ABCA9: variants seen among roughly 807,000 people sequenced by gnomAD.
ABCA9 encodes ATP binding cassette subfamily A member 9.
Under a neutral mutation model 205.3 loss-of-function variants are expected in ABCA9, and 183 were observed. The observed-to-expected ratio is 0.89, with a 90% confidence interval of 0.79 to 1.01. ABCA9 has a LOEUF of 1.01. ABCA9 is among the 50% of genes least tolerant of loss of function. The pLI, the probability that ABCA9 is intolerant of heterozygous loss-of-function variation, is 0.00. For synonymous variants in ABCA9, 651 were observed against 683.3 expected (o/e 0.95, Z 0.74); for missense variants, 1,805 against 1,912.4 (o/e 0.94, Z 1.05).
Position 69,000,067 on chromosome 17 carries a change from G to T in ABCA9, c.3436-4053C>A, listed in dbSNP as rs1442906790. Among the ~76,000 whole-genome samples, 67 of 151,340 alleles carry T rather than the reference G, an allele frequency of 4.4e-4. No individual in the cohort carries two copies. The East Asian group carries it at 9.0e-3, about 20-fold the overall frequency. On this transcript the variant is annotated intron_variant, in intron 25 of 38. Coordinates refer to ENST00000340001, the MANE Select transcript of ABCA9 (RefSeq NM_080283.4). ...GTAGGTTGCGAAAATTTTCTCCCATGTTGTAGGTTGCCTGTTCACTCTGAT... is the reference window on the plus strand; with the variant it reads ...GTAGGTTGCGAAAATTTTCTCCCATTTTGTAGGTTGCCTGTTCACTCTGAT...
rs756524839 is a variant in ABCA9 at position 68,984,947 on chromosome 17, C to T, written c.4317G>A (p.Pro1439=). The T allele has an allele frequency of 1.1e-5, 17 of 1,614,086 alleles. No individual in the cohort carries two copies. The highest frequency in any genetic ancestry group is 5.5e-5 in the South Asian group (5 of 91,086). ...ACGGCTCATCCAGAAGCACCACTGA[C>T]GGGTTCCCCAGGATGCTCAGCACAA... is the stretch of plus-strand genomic sequence containing the variant. ...LCFVLSILGN[P]SVVLLDEPST... The change falls in exon 34 of 39, where the codon CCG becomes CCA. Residue 1439 remains proline, a synonymous_variant. Coordinates refer to ENST00000340001, the MANE Select transcript of ABCA9 (RefSeq NM_080283.4).
At chr17:68,992,028 A>C in intron 28 of ABCA9, 147 bp downstream of exon 28, 5 of 506,810 alleles carry the variant, frequency 9.9e-6, no homozygotes, top group Non-Finnish European at 1.8e-5. Flanking sequence ...ATATATTCCT[A>C]TATTATGGGT....
chr17:69,058,422 CA>C (rs2072134343), intron 1 of ABCA9, among the ~76,000 whole-genome samples: 1 of 152,144 alleles, frequency 6.6e-6, no homozygotes, highest in Non-Finnish European at 1.5e-5. Flanking sequence ...ACGATTTATT[CA>C]AGTCAGCCTC....
At chr17:69,046,567 C>T (rs146641328) in intron 3 of ABCA9, among the ~76,000 whole-genome samples, 2 of 152,092 alleles carry the variant, frequency 1.3e-5, no homozygotes, top group East Asian at 3.9e-4. Flanking sequence ...TTTTCATCTA[C>T]TAATATAAAA....
rs376630597 is a variant in ABCA9 at position 69,016,339 on chromosome 17, C to T, written c.2953G>A (p.Val985Ile). 1.9e-5 allele frequency: 31 copies of T among 1,602,516 alleles called. No homozygotes were observed. The highest frequency in any genetic ancestry group is 3.4e-5 in the South Asian group (3 of 89,358). ...CNTKRLNCFP[V>I]LLDVISNGLL... The stretch of plus-strand genomic sequence containing the variant: ...CCATTGCTAATGACATCCAGGAGGA[C>T]AGGAAAGCAATTCAGCCGTTTTGTA... Residue 985 changes from valine (V) to isoleucine (I), a missense_variant, in exon 22 of 39, where the codon GTC becomes ATC. By Grantham distance (29) the Val-to-Ile change is conservative (BLOSUM62 3). Coordinates refer to ENST00000340001, the MANE Select transcript of ABCA9 (RefSeq NM_080283.4).
intron 16 of ABCA9, among the ~76,000 whole-genome samples, chr17:69,025,005 T>C (rs967304649): frequency 6.6e-6 from 1 of 152,112 alleles, no homozygotes; most frequent in Non-Finnish European, 1.5e-5. Context: ...TGACTGATGA[T>C]ACAAACCTAA....
intron 3 of ABCA9, among the ~76,000 whole-genome samples, chr17:69,046,704 T>C (rs1185535938): frequency 6.6e-6 from 1 of 151,490 alleles, no homozygotes; most frequent in African/African-American, 2.4e-5. Flanking sequence ...GCTGAGTATC[T>C]CTTATCACAC....
At chr17:69,071,282 G>T in the ABCA9 span, among the ~76,000 whole-genome samples, 1 of 152,198 alleles carries the variant, frequency 6.6e-6, no homozygotes, top group South Asian at 2.1e-4. Context: ...CCTGACCCCT[G>T]TGCCTTCTGA....
the ABCA9 span, among the ~76,000 whole-genome samples, chr17:69,066,394 A>G: frequency 1.1e-3 from 162 of 152,190 alleles, 5 homozygotes; most frequent in South Asian, 0.028. Context: ...TTTTTTTTCA[A>G]GAAGCTTAGT....
chr17:68,986,415 TCACA>T, intron 31 of ABCA9, 91 bp from the exon 32 acceptor site: 1 of 1,283,578 alleles, frequency 7.8e-7, no homozygotes, highest in South Asian at 1.7e-5. Context: ...GCCCTTCTCT[TCACA>T]CACACAGGTG....
the ABCA9 span, among the ~76,000 whole-genome samples, chr17:69,077,822 T>C: frequency 6.6e-6 from 1 of 152,064 alleles, no homozygotes; most frequent in Non-Finnish European, 1.5e-5. Context: ...TTTGGTGATA[T>C]TCAGAATGAA....
chr17:69,071,518 A>G, the ABCA9 span, among the ~76,000 whole-genome samples: 7 of 152,352 alleles, frequency 4.6e-5, no homozygotes, highest in Admixed American at 3.9e-4. Context: ...GTTAGAAGAA[A>G]AACTAACAAA....
rs970946581 is a variant in ABCA9 at position 68,986,381 on chromosome 17, G to A, written c.4048-57C>T. ...TCCCAAATGTCACGTATATGTATAT[G>A]CATGTAAGCCGTACTTCAGAGATGC... On this transcript the variant is annotated intron_variant, in intron 31 of 38. Transcript: ENST00000340001. The A allele has an allele frequency of 2.7e-6, 4 of 1,491,250 alleles. No individual in the cohort carries two copies. The African/African-American group carries it at 5.6e-5, about 21-fold the overall frequency. 92.4% of individuals were successfully genotyped at this position (1,491,250 alleles called of 1,614,324 possible). A position where few individuals can be genotyped will look rare whatever the true frequency, so the allele number is the denominator to read the frequency against.
At chr17:69,037,932 A>G (rs1449607925) in intron 6 of ABCA9, among the ~76,000 whole-genome samples, 1 of 152,206 alleles carries the variant, frequency 6.6e-6, no homozygotes, top group East Asian at 1.9e-4. Context: ...GGAGAATATA[A>G]TAAACACCTC....
At position 68,974,996 on chromosome 17, in the gene ABCA9, C is replaced by T. The variant is rs1460585434; in HGVS notation, c.*919G>A. Reference sequence around the variant, plus strand: ...TCAGGTATTTCTCCTAATGCTATCCCTCCCCTAGCCCCCATCCCCCCAACA... The same window carrying T: ...TCAGGTATTTCTCCTAATGCTATCCTTCCCCTAGCCCCCATCCCCCCAACA... On this transcript the variant is annotated 3_prime_UTR_variant, in exon 39 of 39. Coordinates refer to ENST00000340001, the MANE Select transcript of ABCA9 (RefSeq NM_080283.4). 1 of 152,116 alleles carries T rather than the reference C, an allele frequency of 6.6e-6. No homozygotes were observed. The highest frequency in any genetic ancestry group is 1.5e-5 in the Non-Finnish European group (1 of 68,028). The allele number at this position is 152,116 out of a possible 1,614,324, so 9.4% of individuals were successfully genotyped here.
intron 2 of ABCA9, 104 bp from the exon 3 acceptor site, chr17:69,049,594 A>G: frequency 1.1e-6 from 1 of 909,850 alleles, no homozygotes; most frequent in Non-Finnish European, 1.6e-6. Flanking sequence ...TTTGGCTTGC[A>G]TTCCATTTAT....
At chr17:69,010,084 T>C (rs1276463944) in intron 23 of ABCA9, among the ~76,000 whole-genome samples, 1 of 151,648 alleles carries the variant, frequency 6.6e-6, no homozygotes, top group African/African-American at 2.4e-5. Flanking sequence ...CCATTATTTA[T>C]AGAGATGAGT....
At chr17:69,029,690 G>A (rs1000863510) in intron 10 of ABCA9, among the ~76,000 whole-genome samples, 3 of 152,154 alleles carry the variant, frequency 2.0e-5, no homozygotes, top group Non-Finnish European at 2.9e-5. Context: ...TACAAATGCT[G>A]TGTACTCAAG....
intron 10 of ABCA9, among the ~76,000 whole-genome samples, chr17:69,031,314 T>G (rs2071141313): frequency 6.6e-6 from 1 of 152,194 alleles, no homozygotes; most frequent in African/African-American, 2.4e-5. Flanking sequence ...TCATGATTCT[T>G]GAAAAGATTG....
Sources: gnomAD v4.1 joint callset for allele counts (sites outside exome capture counted in the v4.1 genomes callset) on GRCh38, gnomAD v4.1.1 for gene constraint, MANE v1.5 for transcripts, NCBI Gene and HGNC (gene_info 2026-07-23, HGNC 2026-07-21) for gene names.